Variants in BCAS3 observed in about 807,000 individuals in gnomAD.
The protein encoded by BCAS3 is BCAS3 microtubule associated cell migration factor.
Under a neutral mutation model 116.1 loss-of-function variants are expected in BCAS3, and 53 were observed. The ratio of observed to expected loss-of-function variants is 0.46; its 90% CI spans 0.37 to 0.57. The LOEUF (loss-of-function observed/expected upper bound fraction) is 0.57. Among genes scored for constraint, BCAS3 ranks in the 20% least tolerant of loss-of-function variants. The pLI, the probability that BCAS3 is intolerant of heterozygous loss-of-function variation, is 0.00. For missense variants in BCAS3, 917 were observed against 1,165.4 expected (o/e 0.79, Z 3.10); for synonymous variants, 391 against 408.2 (o/e 0.96, Z 0.51).
In BCAS3 at chr17:61,211,045, T is replaced by G. The variant is rs8070692; in HGVS notation, c.2425+126481T>G. ...TAGGGTCCCATAGTCTTCCCCAAGC[T>G]AGGGTCCCAGCGCTGGGTGGGGGAC... On this transcript the variant is annotated intron_variant, in intron 22 of 23. Coordinates refer to ENST00000407086, the MANE Select transcript of BCAS3 (RefSeq NM_017679.5). The surrounding 1 kb of genome is among the most constrained non-coding windows in gnomAD (Gnocchi z 4.4). Among the ~76,000 whole-genome samples, 32,819 of 151,606 alleles carry G rather than the reference T, an allele frequency of 0.22. 4,327 individuals are homozygous for G. Among genetic ancestry groups the G allele is most frequent in the African/African-American group, 0.37 (15,435 of 41,298 alleles).
In BCAS3 at chr17:61,379,543, T is replaced by C. The variant is rs1412945780; in HGVS notation, c.2593+11049T>C. On this transcript the variant is annotated intron_variant, in intron 23 of 23. Transcript: ENST00000407086. The surrounding 1 kb of genome is among the most constrained non-coding windows in gnomAD (Gnocchi z 5.5). ...GAAGTTCCCTAGTAGAAGAAGGCAT[T>C]TTGGAGCCCATCCCGGAAACAGCTT... 6.6e-6 allele frequency: 1 copy of C among 152,176 alleles called. No individual in the cohort carries two copies. Among genetic ancestry groups the C allele is most frequent in the Non-Finnish European group, 1.5e-5 (1 of 68,054 alleles). 9.4% of individuals were successfully genotyped at this position (152,176 alleles called of 1,614,324 possible). A position where few individuals can be genotyped will look rare whatever the true frequency, so the allele number is the denominator to read the frequency against.
intron 9 of BCAS3, among the ~76,000 whole-genome samples, chr17:60,882,123 G>A (rs1236144121): frequency 6.6e-6 from 1 of 151,292 alleles, no homozygotes; most frequent in African/African-American, 2.4e-5. Flanking sequence ...ACTTTTTAAT[G>A]ATTGCCATTC....
intron 13 of BCAS3, among the ~76,000 whole-genome samples, chr17:60,926,766 G>T (rs1382242554): frequency 6.6e-6 from 1 of 152,030 alleles, no homozygotes; most frequent in African/African-American, 2.4e-5. Flanking sequence ...TTTTTTTCCT[G>T]TGACTTTGCA....
At chr17:60,933,425 T>TTTTAAATAA (rs1369336953) in intron 13 of BCAS3, among the ~76,000 whole-genome samples, 1 of 152,200 alleles carries the variant, frequency 6.6e-6, no homozygotes, top group Non-Finnish European at 1.5e-5. Flanking sequence ...CACATCTACA[T>TTTTAAATAA]TTTAAATAAT....
At chr17:61,310,755 T>C (rs1388706753) in intron 22 of BCAS3, among the ~76,000 whole-genome samples, 1 of 152,090 alleles carries the variant, frequency 6.6e-6, no homozygotes, top group African/African-American at 2.4e-5. Flanking sequence ...CATCTAGTGC[T>C]AGAGACTGAT....
chr17:60,896,887 G>A (rs969309517), intron 10 of BCAS3, among the ~76,000 whole-genome samples: 37 of 151,960 alleles, frequency 2.4e-4, no homozygotes, highest in African/African-American at 7.3e-4. Context: ...TGGTTATTTC[G>A]TATATTTTTG....
At chr17:60,702,502 T>G (rs767096569) in intron 4 of BCAS3, among the ~76,000 whole-genome samples, 1 of 152,280 alleles carries the variant, frequency 6.6e-6, no homozygotes, top group Admixed American at 6.5e-5. Context: ...TTGATTGATA[T>G]GTACTGTAGA....
At chr17:60,689,284 G>A (rs2034500184) in intron 3 of BCAS3, among the ~76,000 whole-genome samples, 3 of 151,958 alleles carry the variant, frequency 2.0e-5, no homozygotes, top group South Asian at 2.1e-4. Context: ...AGTGATTCTC[G>A]TGTCTCAGCC....
chr17:61,225,018 C>T (rs1023910427), intron 22 of BCAS3, among the ~76,000 whole-genome samples: 1 of 152,194 alleles, frequency 6.6e-6, no homozygotes, highest in Non-Finnish European at 1.5e-5. Flanking sequence ...CTACCACTTA[C>T]AGATGTTGCT....
At chr17:61,350,634 C>CT (rs35195040) in intron 22 of BCAS3, among the ~76,000 whole-genome samples, 7,626 of 140,396 alleles carry the variant, frequency 0.054, 694 homozygotes, top group African/African-American at 0.18. Context: ...ATTATTCAGT[C>CT]TTTTTTTTTT....
chr17:61,305,226 T>C (rs531157273), intron 22 of BCAS3, among the ~76,000 whole-genome samples: 1 of 152,170 alleles, frequency 6.6e-6, no homozygotes, highest in South Asian at 2.1e-4. Flanking sequence ...ATGACCCCGG[T>C]GCATAGTCAA....
intron 22 of BCAS3, among the ~76,000 whole-genome samples, chr17:61,193,408 T>C (rs892954485): frequency 6.6e-5 from 10 of 152,050 alleles, no homozygotes; most frequent in Non-Finnish European, 1.3e-4. Context: ...CAAAATAAGA[T>C]AGTAGAAATA....
At position 60,751,567 on chromosome 17, in the gene BCAS3, A is replaced by T. The variant is rs533352700; in HGVS notation, c.403+4288A>T. 4.3e-5 allele frequency among the ~76,000 whole-genome samples: 6 copies of T among 137,970 alleles called. No individual in the cohort carries two copies. The South Asian group carries it at 1.1e-3, about 24-fold the overall frequency. The allele number at this position is 137,970 out of a possible 152,430, so 90.5% of individuals were successfully genotyped here. A position where few individuals can be genotyped will look rare whatever the true frequency, so the allele number is the denominator to read the frequency against. On this transcript the variant is annotated intron_variant, in intron 6 of 23. Coordinates refer to ENST00000407086, the MANE Select transcript of BCAS3 (RefSeq NM_017679.5). ...CTTTTTTTTTTTTTTTTTGAGATGG[A>T]GTTTCACTCTTGTTGCCCAGGCTGG...
At chr17:61,252,887 T>TTG (rs2048474386) in intron 22 of BCAS3, among the ~76,000 whole-genome samples, 1 of 150,902 alleles carries the variant, frequency 6.6e-6, no homozygotes, top group African/African-American at 2.4e-5. Context: ...ATACATTTTT[T>TTG]TTTTTTTTTT....
intron 5 of BCAS3, among the ~76,000 whole-genome samples, chr17:60,724,879 TCTCA>T (rs1238577492): frequency 6.6e-6 from 1 of 151,582 alleles, no homozygotes; most frequent in African/African-American, 2.4e-5. Flanking sequence ...AGAGACAGAG[TCTCA>T]CTCTGTTGCC....
intron 22 of BCAS3, among the ~76,000 whole-genome samples, chr17:61,093,896 T>C (rs1402506561): frequency 6.6e-6 from 1 of 152,250 alleles, no homozygotes; most frequent in Admixed American, 6.5e-5. Context: ...CCTTTGCATT[T>C]CCACACATGT....
At position 61,241,871 on chromosome 17, in the gene BCAS3, T is replaced by C. The variant is rs924582914; in HGVS notation, c.2426-126456T>C. On this transcript the variant is annotated intron_variant, in intron 22 of 23. Transcript: ENST00000407086. The surrounding 1 kb of genome is among the most constrained non-coding windows in gnomAD (Gnocchi z 4.6). The stretch of plus-strand genomic sequence containing the variant: ...CTGAGAAATCTGAGAGCTTTCATAA[T>C]AGTATAATATTCAGGTTTTTTCTTG... Among the ~76,000 whole-genome samples the C allele has an allele frequency of 6.6e-6, 1 of 152,228 alleles. No individual in the cohort carries two copies. Among genetic ancestry groups the C allele is most frequent in the Non-Finnish European group, 1.5e-5 (1 of 68,038 alleles).
At chr17:61,109,046 C>T (rs1398982394) in intron 22 of BCAS3, among the ~76,000 whole-genome samples, 3 of 151,918 alleles carry the variant, frequency 2.0e-5, no homozygotes, top group African/African-American at 4.8e-5. Context: ...ATGAGCTGGG[C>T]GTGGTAGTAC....
At chr17:60,773,696 G>A (rs554432318) in intron 6 of BCAS3, among the ~76,000 whole-genome samples, 1 of 152,160 alleles carries the variant, frequency 6.6e-6, no homozygotes, top group East Asian at 1.9e-4. Flanking sequence ...TGTCCAGGCT[G>A]GAAAGCAGTG....
Sources: gnomAD v4.1 joint callset for allele counts (sites outside exome capture counted in the v4.1 genomes callset) on GRCh38, gnomAD v4.1.1 for gene constraint, Gnocchi (gnomAD v3.1) non-coding constraint, MANE v1.5 for transcripts, NCBI Gene and HGNC (gene_info 2026-07-23, HGNC 2026-07-21) for gene names.